Variants in NEBL observed in about 807,000 individuals in gnomAD.
NEBL encodes nebulette, also known as LIM and SH3 protein 2.
NEBL carries 122 observed loss-of-function variants against 140.2 expected under a neutral mutation model. The ratio of observed to expected loss-of-function variants is 0.87; its 90% CI spans 0.75 to 1.01. The LOEUF (loss-of-function observed/expected upper bound fraction) is 1.01. NEBL is among the 50% of genes least tolerant of loss of function. The pLI, the probability that NEBL is intolerant of heterozygous loss-of-function variation, is 0.00. For missense variants in NEBL, 1,365 were observed against 1,231.3 expected (o/e 1.11, Z -1.62); for synonymous variants, 436 against 398.9 (o/e 1.09, Z -1.11).
chr10:20,950,911 G>T (rs941436841), intron 4 of NEBL, among the ~76,000 whole-genome samples: 1 of 152,046 alleles, frequency 6.6e-6, no homozygotes, highest in East Asian at 1.9e-4. Context: ...GCTAAACACA[G>T]GCAAATTCTA....
intron 3 of NEBL, among the ~76,000 whole-genome samples, chr10:21,228,229 C>T (rs1842199345): frequency 1.3e-5 from 2 of 152,056 alleles, no homozygotes; most frequent in Admixed American, 1.3e-4. Context: ...TCACGACTCA[C>T]TACACCCTCA....
intron 6 of NEBL, 63 bp from the exon 7 acceptor site, chr10:20,868,828 AT>A: frequency 9.8e-7 from 1 of 1,023,784 alleles, no homozygotes; most frequent in Non-Finnish European, 1.4e-6. Context: ...CTACATTGAC[AT>A]TAGCCAAAAA....
intron 22 of NEBL, among the ~76,000 whole-genome samples, chr10:20,815,400 G>A (rs1838624710): frequency 1.3e-5 from 2 of 152,134 alleles, no homozygotes; most frequent in South Asian, 4.1e-4. Context: ...CCTAAGCTTT[G>A]AATGTAACTG....
intron 2 of NEBL, among the ~76,000 whole-genome samples, chr10:21,063,802 G>A (rs549854445): frequency 2.2e-4 from 34 of 152,134 alleles, no homozygotes; most frequent in East Asian, 5.8e-4. Flanking sequence ...CCCGGGAGGC[G>A]GAGCTTGTAG....
At chr10:21,075,795 G>C (rs919997303) in intron 2 of NEBL, among the ~76,000 whole-genome samples, 2 of 152,110 alleles carry the variant, frequency 1.3e-5, no homozygotes, top group African/African-American at 4.8e-5. Flanking sequence ...TCTAATAAGG[G>C]ATTGGTATCC....
At chr10:21,290,416 A>C (rs192378696) in intron 1 of NEBL, among the ~76,000 whole-genome samples, 1 of 152,322 alleles carries the variant, frequency 6.6e-6, no homozygotes, top group Admixed American at 6.5e-5. Context: ...CTGCCCCTAC[A>C]AGCCAAGCAC....
chr10:21,112,833 C>A, intron 2 of NEBL: 1 of 225,408 alleles, frequency 4.4e-6, no homozygotes, highest in Non-Finnish European at 9.0e-6. Context: ...CCCAGTCTTA[C>A]AGTTGAAGTG....
intron 3 of NEBL, among the ~76,000 whole-genome samples, chr10:21,219,206 T>C (rs1310696636): frequency 6.6e-6 from 1 of 152,208 alleles, no homozygotes; most frequent in Non-Finnish European, 1.5e-5. Flanking sequence ...GTATTTGGTT[T>C]AGGAATAAAG....
intron 26 of NEBL, among the ~76,000 whole-genome samples, chr10:20,797,392 A>G (rs987758039): frequency 6.6e-6 from 1 of 152,190 alleles, no homozygotes; most frequent in Non-Finnish European, 1.5e-5. Context: ...ATCAATCCAT[A>G]AGGAGTTCTG....
At chr10:20,842,909 G>C (rs1841530650) in intron 12 of NEBL, among the ~76,000 whole-genome samples, 1 of 151,916 alleles carries the variant, frequency 6.6e-6, no homozygotes, top group African/African-American at 2.4e-5. Context: ...TCTACTTTCT[G>C]CTTCTAGGAG....
At chr10:21,104,639 G>A (rs192400266) in intron 2 of NEBL, among the ~76,000 whole-genome samples, 4 of 151,926 alleles carry the variant, frequency 2.6e-5, no homozygotes, top group South Asian at 2.1e-4. Flanking sequence ...GATTCCCTAC[G>A]ATTATCCACA....
intron 2 of NEBL, among the ~76,000 whole-genome samples, chr10:21,142,081 A>C (rs1839657707): frequency 1.3e-5 from 2 of 152,176 alleles, no homozygotes; most frequent in African/African-American, 4.8e-5. Context: ...AAAAGACCTC[A>C]TTCAGTGGCA....
chr10:21,277,670 C>A (rs763931133), intron 1 of NEBL, among the ~76,000 whole-genome samples: 5 of 152,172 alleles, frequency 3.3e-5, no homozygotes, highest in Non-Finnish European at 7.3e-5. Context: ...TTACTGTGAC[C>A]AATTGTCATT....
intron 4 of NEBL, among the ~76,000 whole-genome samples, chr10:20,913,459 G>A (rs546573123): frequency 7.2e-5 from 11 of 152,186 alleles, no homozygotes; most frequent in Non-Finnish European, 4.4e-5. Context: ...TTAAGAGATC[G>A]TTACGTGAAT....
intron 1 of NEBL, among the ~76,000 whole-genome samples, chr10:21,253,267 G>A (rs995004623): frequency 6.6e-5 from 10 of 152,164 alleles, no homozygotes; most frequent in African/African-American, 2.4e-4. Flanking sequence ...ATGAAACTCT[G>A]TCTCAAAAGT....
intron 3 of NEBL, among the ~76,000 whole-genome samples, chr10:20,999,965 G>T (rs1320693037): frequency 6.6e-6 from 1 of 151,890 alleles, no homozygotes; most frequent in Admixed American, 6.6e-5. Flanking sequence ...TCAAGACGAC[G>T]CCAGTAAGTG....
chr10:21,039,149 C>A lies in NEBL; in HGVS notation c.165-18948G>T, dbSNP rs186084669. Among the ~76,000 whole-genome samples the A allele has an allele frequency of 8.9e-3, 1,165 of 131,636 alleles. 14 individuals carry two copies. The highest frequency in any genetic ancestry group is 0.032 in the African/African-American group (1,109 of 34,218). The allele number at this position is 131,636 out of a possible 152,430, so 86.4% of individuals were successfully genotyped here. A position where few individuals can be genotyped will look rare whatever the true frequency, so the allele number is the denominator to read the frequency against. On this transcript the variant is annotated intron_variant, in intron 2 of 6. Coordinates refer to the NEBL transcript ENST00000417816. ...AGACCTTTGTCCAATGGGTTACTTG[C>A]ATAAATTTTCTCCCATTCTGTAGGT...
intron 4 of NEBL, among the ~76,000 whole-genome samples, chr10:20,949,527 G>A (rs193277550): frequency 1.4e-3 from 218 of 152,108 alleles, no homozygotes; most frequent in Non-Finnish European, 2.8e-3. Flanking sequence ...AAGGAACCAC[G>A]GCCAGAGTTT....
At chr10:21,188,344 A>G (rs1284363024) in intron 3 of NEBL, among the ~76,000 whole-genome samples, 1 of 152,206 alleles carries the variant, frequency 6.6e-6, no homozygotes, top group Non-Finnish European at 1.5e-5. Context: ...GACAGCTCAT[A>G]TGAGATCTGG....
Sources: allele counts gnomAD v4.1 joint callset (sites outside exome capture counted in the v4.1 genomes callset), GRCh38; gene constraint gnomAD v4.1.1; transcripts MANE v1.5; gene names NCBI Gene and HGNC (gene_info 2026-07-23, HGNC 2026-07-21).